CNTNAP5: variants seen among roughly 807,000 people sequenced by gnomAD.
CNTNAP5 encodes contactin-associated protein-like 5.
A neutral mutation model predicts 150.2 loss-of-function variants in CNTNAP5; 72 were observed. That is an observed-to-expected ratio of 0.48 (90% CI 0.40 to 0.58). The LOEUF (loss-of-function observed/expected upper bound fraction) is 0.58. CNTNAP5 is among the 20% of genes least tolerant of loss of function. The pLI is 0.00. For synonymous variants in CNTNAP5, 672 were observed against 619.8 expected (o/e 1.08, Z -1.25); for missense variants, 1,636 against 1,626.2 (o/e 1.01, Z -0.10).
intron 21 of CNTNAP5, among the ~76,000 whole-genome samples, chr2:124,870,457 C>A (rs1677721229): frequency 6.6e-6 from 1 of 151,106 alleles, no homozygotes; most frequent in African/African-American, 2.5e-5. Context: ...GAACATACTG[C>A]TAGATTTTAT....
chr2:124,245,130 A>C (rs1686985497), intron 3 of CNTNAP5, among the ~76,000 whole-genome samples: 1 of 152,160 alleles, frequency 6.6e-6, no homozygotes, highest in South Asian at 2.1e-4. Flanking sequence ...ATGAAGCCCT[A>C]TTGTTTAATT....
intron 1 of CNTNAP5, among the ~76,000 whole-genome samples, chr2:124,142,881 G>A (rs1684153291): frequency 6.7e-6 from 1 of 150,368 alleles, no homozygotes; most frequent in South Asian, 2.1e-4. Flanking sequence ...CAACAAAATT[G>A]ATAGACCGCT....
At chr2:124,460,548 G>A (rs1237536672) in intron 6 of CNTNAP5, among the ~76,000 whole-genome samples, 2 of 152,106 alleles carry the variant, frequency 1.3e-5, no homozygotes, top group Non-Finnish European at 2.9e-5. Context: ...TAAAGGTTGA[G>A]ATTTTCTTCT....
At chr2:124,137,466 A>T (rs989020570) in intron 1 of CNTNAP5, among the ~76,000 whole-genome samples, 7 of 152,180 alleles carry the variant, frequency 4.6e-5, no homozygotes, top group Non-Finnish European at 8.8e-5. Flanking sequence ...TTCTAAAATA[A>T]ACTATGAGCC....
Position 124,903,080 on chromosome 2 carries a change from C to T in CNTNAP5, c.3635C>T (p.Thr1212Ile), listed in dbSNP as rs1446725449. Residue 1212 changes from threonine (T) to isoleucine (I), a missense_variant, in exon 22 of 24, where the codon ACC becomes ATC. Transcript: ENST00000682447. Reference protein sequence around the residue: ...FMVDSDVNAVTTVHSSSDPFG... With the variant: ...FMVDSDVNAVITVHSSSDPFG... ...GTGGACTCAGATGTGAATGCAGTGA[C>T]CACGGTGCATTCTTCATCAGGTACA... 7.6e-6 allele frequency: 12 copies of T among 1,581,186 alleles called. No individual in the cohort carries two copies. Among genetic ancestry groups the T allele is most frequent in the Non-Finnish European group, 1.0e-5 (12 of 1,161,254 alleles).
At chr2:124,335,024 T>G (rs1689436675) in intron 3 of CNTNAP5, among the ~76,000 whole-genome samples, 1 of 152,110 alleles carries the variant, frequency 6.6e-6, no homozygotes, top group African/African-American at 2.4e-5. Context: ...GAAGATGCAG[T>G]TGCCATTGCC....
intron 13 of CNTNAP5, among the ~76,000 whole-genome samples, chr2:124,653,913 C>G (rs532158688): frequency 0.014 from 891 of 63,066 alleles, 31 homozygotes; most frequent in Non-Finnish European, 0.023. Context: ...TGCCCCCAAC[C>G]CCCCCCCCCC....
intron 7 of CNTNAP5, among the ~76,000 whole-genome samples, chr2:124,492,704 G>A (rs962589072): frequency 5.3e-5 from 8 of 151,972 alleles, no homozygotes; most frequent in African/African-American, 1.9e-4. Flanking sequence ...CTTATTACTC[G>A]AACATGGGAT....
intron 13 of CNTNAP5, among the ~76,000 whole-genome samples, chr2:124,660,067 GA>G: frequency 4.0e-5 from 6 of 151,166 alleles, no homozygotes; most frequent in African/African-American, 1.5e-4. Context: ...AGGAAGGAAG[GA>G]AGGAAGGAAG....
At chr2:124,273,310 A>T (rs1450612344) in intron 3 of CNTNAP5, among the ~76,000 whole-genome samples, 1 of 152,196 alleles carries the variant, frequency 6.6e-6, no homozygotes, top group African/African-American at 2.4e-5. Flanking sequence ...AATTAAAAGC[A>T]ATTATCCAAG....
chr2:124,034,278 G>C (rs544881516), intron 1 of CNTNAP5, among the ~76,000 whole-genome samples: 1 of 152,136 alleles, frequency 6.6e-6, no homozygotes, highest in Non-Finnish European at 1.5e-5. Context: ...CATTATACCT[G>C]TTATAATTAT....
At chr2:124,904,029 G>A (rs957480132) in intron 22 of CNTNAP5, among the ~76,000 whole-genome samples, 52 of 146,882 alleles carry the variant, frequency 3.5e-4, no homozygotes, top group Non-Finnish European at 7.0e-4. Flanking sequence ...ACTCCAGCCT[G>A]GGGTATAGAG....
At chr2:124,599,397 A>AT (rs1263833441) in intron 11 of CNTNAP5, among the ~76,000 whole-genome samples, 1 of 151,968 alleles carries the variant, frequency 6.6e-6, no homozygotes, top group African/African-American at 2.4e-5. Context: ...ACCTCTCTTG[A>AT]TTTTTTGGAT....
intron 1 of CNTNAP5, among the ~76,000 whole-genome samples, chr2:124,170,634 G>C (rs1305254686): frequency 6.6e-6 from 1 of 152,226 alleles, no homozygotes; most frequent in Non-Finnish European, 1.5e-5. Flanking sequence ...ATTTGGGTAA[G>C]TGTGATAGAG....
At chr2:124,824,215 G>T (rs1038111543) in intron 19 of CNTNAP5, among the ~76,000 whole-genome samples, 2 of 151,970 alleles carry the variant, frequency 1.3e-5, no homozygotes, top group Admixed American at 1.3e-4. Context: ...ACCATGCCTG[G>T]CCCTTATGTT....
chr2:124,768,315 G>A (rs1365207686), intron 16 of CNTNAP5, among the ~76,000 whole-genome samples: 1 of 146,758 alleles, frequency 6.8e-6, no homozygotes, highest in African/African-American at 2.5e-5. Flanking sequence ...GTGTGTATAT[G>A]TATGTTTATG....
intron 19 of CNTNAP5, among the ~76,000 whole-genome samples, chr2:124,825,317 A>T (rs1682569808): frequency 6.6e-6 from 1 of 152,016 alleles, no homozygotes; most frequent in African/African-American, 2.4e-5. Flanking sequence ...GATTTTTATC[A>T]TCTCCAATGA....
intron 1 of CNTNAP5, among the ~76,000 whole-genome samples, chr2:124,164,198 C>T (rs1449385805): frequency 6.6e-6 from 1 of 152,166 alleles, no homozygotes; most frequent in Non-Finnish European, 1.5e-5. Flanking sequence ...CTGCCATGAA[C>T]ACGCAATACT....
At chr2:124,324,980 G>A (rs1689182220) in intron 3 of CNTNAP5, among the ~76,000 whole-genome samples, 1 of 152,138 alleles carries the variant, frequency 6.6e-6, no homozygotes, top group Non-Finnish European at 1.5e-5. Context: ...CACACTTAAT[G>A]AAAATAAAGG....
Sources: gnomAD v4.1 joint callset for allele counts (sites outside exome capture counted in the v4.1 genomes callset) on GRCh38, gnomAD v4.1.1 for gene constraint, MANE v1.5 for transcripts, NCBI Gene and HGNC (gene_info 2026-07-23, HGNC 2026-07-21) for gene names.